Variants in SLC4A4 observed in about 807,000 individuals in gnomAD.
SLC4A4 encodes the protein solute carrier family 4 member 4.
SLC4A4 carries 27 observed loss-of-function variants against 111.5 expected under a neutral mutation model. The observed-to-expected ratio is 0.24, with a 90% CI of 0.18 to 0.33. SLC4A4 has a LOEUF of 0.33. SLC4A4 is among the 10% of genes least tolerant of loss of function. The pLI is 1.00. For missense variants in SLC4A4, 909 were observed against 1,315.5 expected (o/e 0.69, Z 4.78); for synonymous variants, 443 against 463.4 (o/e 0.96, Z 0.57).
chr4:71,255,384 A>T lies in SLC4A4; in HGVS notation c.238A>T (p.Ile80Phe). The T allele has an allele frequency of 6.2e-7, 1 of 1,613,546 alleles. No individual in the cohort carries two copies. Residue 80 changes from isoleucine (I) to phenylalanine (F), a missense_variant, in exon 3 of 26, where the codon ATC becomes TTC. By Grantham distance (21) the Ile-to-Phe change is conservative (BLOSUM62 0). This residue lies in a region of SLC4A4 where 117 missense variants were observed against 154.2 expected (regional missense o/e 0.76). Coordinates refer to ENST00000264485, the MANE Select transcript of SLC4A4 (RefSeq NM_001098484.3). Reference sequence around the variant, plus strand: ...AAATGCTGATGAATCCAGCAGCAGCATCCTAAAACCTCTCAGTGAGTACTC... The same window carrying T: ...AAATGCTGATGAATCCAGCAGCAGCTTCCTAAAACCTCTCAGTGAGTACTC... ...IENADESSSS[I>F]LKPLISPAAE...
intron 20 of SLC4A4, among the ~76,000 whole-genome samples, chr4:71,552,525 C>T (rs758407802): frequency 1.4e-4 from 22 of 151,864 alleles, no homozygotes; most frequent in Non-Finnish European, 2.5e-4. Context: ...ACTATCAGCA[C>T]ATCAAAGGGA....
chr4:71,402,049 A>G (rs1381875940), intron 7 of SLC4A4, among the ~76,000 whole-genome samples: 1 of 152,114 alleles, frequency 6.6e-6, no homozygotes, highest in Non-Finnish European at 1.5e-5. Flanking sequence ...CATTTTTAGC[A>G]CTGTCTGTTG....
intron 22 of SLC4A4, 77 bp downstream of exon 22, chr4:71,557,962 A>ATGTG: frequency 7.8e-7 from 1 of 1,282,116 alleles, no homozygotes; most frequent in Non-Finnish European, 1.1e-6. Context: ...GAAGACACAC[A>ATGTG]TGTCTTTTAT....
chr4:71,328,810 G>A (rs1457958373), intron 3 of SLC4A4, among the ~76,000 whole-genome samples: 9 of 152,032 alleles, frequency 5.9e-5, no homozygotes. Context: ...CTGTGCAGAA[G>A]CTTTTTAACT....
chr4:71,443,941 C>G (rs1374793315), intron 8 of SLC4A4, among the ~76,000 whole-genome samples: 1 of 152,116 alleles, frequency 6.6e-6, no homozygotes, highest in Admixed American at 6.6e-5. Context: ...ATATTTACCG[C>G]ATGTAATGCA....
chr4:71,106,670 AG>A (rs1742929656), intron 2 of SLC4A4, among the ~76,000 whole-genome samples: 1 of 146,448 alleles, frequency 6.8e-6, no homozygotes, highest in Non-Finnish European at 1.5e-5. Flanking sequence ...AACTATTGCA[AG>A]AACAAAAAAC....
At chr4:71,403,970 C>A (rs1178444849) in intron 7 of SLC4A4, among the ~76,000 whole-genome samples, 4 of 152,110 alleles carry the variant, frequency 2.6e-5, no homozygotes, top group Non-Finnish European at 5.9e-5. Flanking sequence ...GCCATTAAGA[C>A]CTTATTACTA....
upstream of SLC4A4, among the ~76,000 whole-genome samples, chr4:71,183,391 G>C (rs1745362476): frequency 6.6e-6 from 1 of 152,162 alleles, no homozygotes; most frequent in Non-Finnish European, 1.5e-5. Context: ...TCCAAAAACT[G>C]TGTTCACCTT....
At chr4:71,438,926 A>T (rs1238587091) in intron 7 of SLC4A4, among the ~76,000 whole-genome samples, 1 of 152,112 alleles carries the variant, frequency 6.6e-6, no homozygotes, top group Non-Finnish European at 1.5e-5. Flanking sequence ...ATTTGATGGA[A>T]TCTTTTCACT....
In SLC4A4 at chr4:71,177,683, TC is replaced by T. The variant is rs1229300830; in HGVS notation, c.-1-58891del. On this transcript the variant is annotated intron_variant, in intron 2 of 26. Coordinates refer to the SLC4A4 transcript ENST00000649996. ...GGAGCACCCAGATTCATAAAGCACA[TC>T]CTTAGTGACCTACAAAGAGACTTAG... Among the ~76,000 whole-genome samples the T allele has an allele frequency of 2.0e-5, 3 of 152,096 alleles. No homozygotes were observed. In the East Asian group the frequency reaches 5.8e-4, roughly 29 times the overall value.
chr4:71,389,028 A>G (rs550016052), intron 6 of SLC4A4, among the ~76,000 whole-genome samples: 11 of 152,326 alleles, frequency 7.2e-5, no homozygotes, highest in South Asian at 2.1e-4. Context: ...ATCTTGGGAA[A>G]GGCCCAGAGA....
intron 1 of SLC4A4, among the ~76,000 whole-genome samples, chr4:71,075,691 C>T (rs915443232): frequency 5.3e-5 from 8 of 152,222 alleles, no homozygotes; most frequent in South Asian, 4.1e-4. Flanking sequence ...CAATCACGGC[C>T]GGGCGCGGTG....
chr4:71,546,599 T>G (rs761717733), intron 19 of SLC4A4, 71 bp downstream of exon 19: 4 of 1,319,598 alleles, frequency 3.0e-6, no homozygotes, highest in Non-Finnish European at 4.3e-6. Context: ...ATCATAAGGA[T>G]ATGGGCAGAT....
At chr4:71,221,907 G>A (rs948595811) in intron 1 of SLC4A4, among the ~76,000 whole-genome samples, 3 of 152,270 alleles carry the variant, frequency 2.0e-5, no homozygotes, top group East Asian at 1.9e-4. Context: ...TTCTGACATG[G>A]TGCTGTAGGA....
intron 16 of SLC4A4, 106 bp from the exon 17 acceptor site, chr4:71,531,956 T>C: frequency 2.8e-6 from 2 of 722,108 alleles, no homozygotes; most frequent in Non-Finnish European, 5.0e-6. Flanking sequence ...GATGAAGCTG[T>C]TGCTATAAAC....
intron 8 of SLC4A4, among the ~76,000 whole-genome samples, chr4:71,445,087 A>C (rs1725103206): frequency 6.6e-6 from 1 of 152,234 alleles, no homozygotes; most frequent in Non-Finnish European, 1.5e-5. Context: ...TACTGAACCA[A>C]TATAATTCTC....
At chr4:71,122,644 C>CAGT (rs1356978510) in intron 2 of SLC4A4, among the ~76,000 whole-genome samples, 5 of 152,076 alleles carry the variant, frequency 3.3e-5, no homozygotes, top group Non-Finnish European at 5.9e-5. Flanking sequence ...GTAACACTGA[C>CAGT]AGTAGGTGCC....
chr4:71,251,972 C>T (rs1264843833), intron 2 of SLC4A4, among the ~76,000 whole-genome samples: 1 of 152,064 alleles, frequency 6.6e-6, no homozygotes, highest in Non-Finnish European at 1.5e-5. Context: ...TTTCATATTA[C>T]AGGGAAAACA....
Position 71,371,007 on chromosome 4 carries a change from C to A in SLC4A4, c.730+13820C>A, listed in dbSNP as rs117317675. On this transcript the variant is annotated intron_variant, in intron 6 of 25. Transcript: ENST00000264485. ...AATAATCAGCTTTGATGTATAATCACCTTCCCTAGGGCTTCTAATACTTAC... is the reference window on the plus strand; with the variant it reads ...AATAATCAGCTTTGATGTATAATCAACTTCCCTAGGGCTTCTAATACTTAC... Among the ~76,000 whole-genome samples the A allele has an allele frequency of 4.2e-4, 64 of 152,272 alleles. No individual in the cohort carries two copies. In the East Asian group the frequency reaches 0.011, roughly 27 times the overall value.
Sources: allele counts gnomAD v4.1 joint callset (sites outside exome capture counted in the v4.1 genomes callset), GRCh38; gene constraint gnomAD v4.1.1; regional missense constraint gnomAD v4.1.1; transcripts MANE v1.5; gene names NCBI Gene and HGNC (gene_info 2026-07-23, HGNC 2026-07-21).